The following MELK variants were observed in gnomAD, a reference collection of about 807,000 sequenced individuals.
The protein encoded by MELK is maternal embryonic leucine zipper kinase.
A neutral mutation model predicts 85.0 loss-of-function variants in MELK; 81 were observed. The observed-to-expected ratio is 0.95, with a 90% CI of 0.80 to 1.15. The LOEUF (loss-of-function observed/expected upper bound fraction) is 1.15, where lower values mean the gene tolerates loss of function less well. Among genes scored for constraint, MELK ranks in the 50% most tolerant of loss-of-function variants. The probability of loss-of-function intolerance (pLI) is 0.00; values close to 1 mark genes in which losing one functional copy is unlikely to be tolerated. For synonymous variants in MELK, 252 were observed against 265.0 expected (o/e 0.95, Z 0.48); for missense variants, 754 against 777.5 (o/e 0.97, Z 0.36).
rs899142516 is a variant in MELK at position 36,635,234 on chromosome 9, C to A, written c.834+2034C>A. ...TTTGGTGCCACTGCATTGATTCATA[C>A]TAAGGTGCCAGCAATTTATTTATTT... On this transcript the variant is annotated intron_variant, in intron 10 of 17. Coordinates refer to ENST00000298048, the MANE Select transcript of MELK (RefSeq NM_014791.4). 5.9e-5 allele frequency among the ~76,000 whole-genome samples: 9 copies of A among 151,946 alleles called. No individual in the cohort carries two copies. In the South Asian group the frequency reaches 1.2e-3, roughly 21 times the overall value.
chr9:36,665,784 CCT>C (rs1475385326), intron 14 of MELK, among the ~76,000 whole-genome samples: 4 of 152,128 alleles, frequency 2.6e-5, no homozygotes, highest in Non-Finnish European at 5.9e-5. Context: ...CCAAGTTTTT[CCT>C]CTTTTTCACG....
chr9:36,616,637 G>A (rs948582127), intron 8 of MELK, among the ~76,000 whole-genome samples: 1 of 151,858 alleles, frequency 6.6e-6, no homozygotes, highest in African/African-American at 2.4e-5. Context: ...TGATCAGCCT[G>A]CCTCAGCCTC....
intron 8 of MELK, among the ~76,000 whole-genome samples, chr9:36,616,385 C>CTTTTTTTTTTTTTT (rs1564166555): frequency 2.2e-4 from 27 of 120,326 alleles, no homozygotes; most frequent in African/African-American, 9.0e-4. Flanking sequence ...GCATGTCAAA[C>CTTTTTTTTTTTTTT]TCTTTTTTTT....
Position 36,671,091 on chromosome 9 carries a change from G to T in MELK, c.1599G>T (p.Gly533=). The part of the protein sequence containing the change: ...GAKVFGSLER[G]LDKVITVLTR... Reference sequence around the variant, plus strand: ...AAGTGTTTGGGAGCCTTGAAAGGGGGTTGGATAAGGTTATCACTGTGCTCA... The same window carrying T: ...AAGTGTTTGGGAGCCTTGAAAGGGGTTTGGATAAGGTTATCACTGTGCTCA... Residue 533 remains glycine, a synonymous_variant, in exon 16 of 18, where the codon GGG becomes GGT. Coordinates refer to ENST00000298048, the MANE Select transcript of MELK (RefSeq NM_014791.4). 1 of 1,613,220 alleles carries T rather than the reference G, an allele frequency of 6.2e-7. No individual in the cohort carries two copies. The highest frequency in any genetic ancestry group is 8.5e-7 in the Non-Finnish European group (1 of 1,179,584).
intron 6 of MELK, among the ~76,000 whole-genome samples, chr9:36,598,232 A>T (rs1824510325): frequency 6.6e-6 from 1 of 150,426 alleles, no homozygotes; most frequent in Admixed American, 6.6e-5. Flanking sequence ...GAAAAAACAT[A>T]CTTTGAACAG....
At chr9:36,653,352 C>T (rs1277483731) in intron 12 of MELK, among the ~76,000 whole-genome samples, 2 of 152,086 alleles carry the variant, frequency 1.3e-5, no homozygotes, top group Non-Finnish European at 1.5e-5. Context: ...AGCTATGTTG[C>T]CCAGGCTGGT....
Position 36,589,519 on chromosome 9 carries a change from A to G in MELK, c.145-17A>G, listed in dbSNP as rs76137365. The G allele has an allele frequency of 5.7e-3, 8,965 of 1,577,260 alleles. 147 individuals are homozygous for G. The highest frequency in any genetic ancestry group is 0.05 in the Middle Eastern group (300 of 5,996). ...TGAATAAGTTTATTGCTCATTCCAT[A>G]TGATGTTTTGTCACAGAGTGATTTG... On this transcript the variant is annotated splice_polypyrimidine_tract_variant and intron_variant, in intron 3 of 17. Coordinates refer to ENST00000298048, the MANE Select transcript of MELK (RefSeq NM_014791.4).
chr9:36,651,265 T>G (rs745705608), intron 11 of MELK, among the ~76,000 whole-genome samples: 2 of 152,204 alleles, frequency 1.3e-5, no homozygotes, highest in Non-Finnish European at 2.9e-5. Flanking sequence ...GGGTAACAAT[T>G]AACTATTTTG....
intron 4 of MELK, among the ~76,000 whole-genome samples, chr9:36,589,960 C>T (rs188344734): frequency 2.9e-5 from 4 of 135,650 alleles, no homozygotes; most frequent in East Asian, 2.1e-4. Context: ...TTCGCTCTGT[C>T]GCTCAGGCTG....
At chr9:36,583,164 G>A (rs545449597) in intron 2 of MELK, among the ~76,000 whole-genome samples, 34 of 151,964 alleles carry the variant, frequency 2.2e-4, no homozygotes, top group Non-Finnish European at 4.1e-4. Flanking sequence ...TAGTAGAGAC[G>A]GAGTTTCACT....
At chr9:36,642,032 A>G (rs7852662) in intron 10 of MELK, among the ~76,000 whole-genome samples, 4,428 of 152,132 alleles carry the variant, frequency 0.029, 217 homozygotes, top group African/African-American at 0.1. Flanking sequence ...TTTTGTTCTC[A>G]GTGATCCTTG....
At chr9:36,641,859 G>A (rs140523701) in intron 10 of MELK, among the ~76,000 whole-genome samples, 5,970 of 152,044 alleles carry the variant, frequency 0.039, 327 homozygotes, top group African/African-American at 0.11. Context: ...CACCCACCTC[G>A]GCCTCCCAAA....
chr9:36,600,017 A>C (rs147834341), intron 7 of MELK, among the ~76,000 whole-genome samples: 2 of 152,102 alleles, frequency 1.3e-5, no homozygotes, highest in Non-Finnish European at 2.9e-5. Flanking sequence ...TTAAAAAAAC[A>C]CTTTAGTTGT....
chr9:36,674,407 T>C (rs914163127), intron 16 of MELK, among the ~76,000 whole-genome samples: 1 of 152,160 alleles, frequency 6.6e-6, no homozygotes, highest in Non-Finnish European at 1.5e-5. Context: ...CCAGAAAGAG[T>C]TAAGGAAACA....
At chr9:36,669,653 G>C (rs1024277485) in intron 15 of MELK, among the ~76,000 whole-genome samples, 2 of 152,130 alleles carry the variant, frequency 1.3e-5, no homozygotes, top group African/African-American at 4.8e-5. Flanking sequence ...TGGGAAGACA[G>C]TGGTCCTCAC....
At chr9:36,596,318 C>T (rs1427289359) in intron 5 of MELK, among the ~76,000 whole-genome samples, 2 of 152,006 alleles carry the variant, frequency 1.3e-5, no homozygotes, top group Non-Finnish European at 2.9e-5. Context: ...TGCAGTGGTG[C>T]GATCTCCGCT....
At chr9:36,626,255 G>C (rs1460803551) in intron 8 of MELK, among the ~76,000 whole-genome samples, 4 of 152,034 alleles carry the variant, frequency 2.6e-5, no homozygotes, top group Admixed American at 2.6e-4. Context: ...ATTCTTCTCA[G>C]GACCCTTTTA....
intron 11 of MELK, among the ~76,000 whole-genome samples, chr9:36,651,219 C>T (rs1057010224): frequency 6.6e-6 from 1 of 152,184 alleles, no homozygotes; most frequent in Non-Finnish European, 1.5e-5. Flanking sequence ...CAGGACCCTA[C>T]TGACCTCTTG....
intron 10 of MELK, among the ~76,000 whole-genome samples, chr9:36,642,736 A>G (rs1330017516): frequency 1.3e-5 from 2 of 151,902 alleles, no homozygotes; most frequent in African/African-American, 4.8e-5. Flanking sequence ...GCATTGTACA[A>G]CCGAACTTTA....
Sources: allele counts gnomAD v4.1 joint callset (sites outside exome capture counted in the v4.1 genomes callset), GRCh38; gene constraint gnomAD v4.1.1; transcripts MANE v1.5; gene names NCBI Gene and HGNC (gene_info 2026-07-23, HGNC 2026-07-21).